MAP2K4: variants seen among roughly 807,000 people sequenced by gnomAD.
MAP2K4 encodes the protein dual specificity mitogen-activated protein kinase kinase 4.
MAP2K4 carries 4 observed loss-of-function variants against 48.5 expected under a neutral mutation model. The observed-to-expected ratio is 0.08, with a 90% CI of 0.04 to 0.19. The LOEUF is 0.19. Ranked by LOEUF, MAP2K4 falls within the 10% of genes least tolerant of loss-of-function variation. The probability of loss-of-function intolerance (pLI) is 1.00; values close to 1 mark genes in which losing one functional copy is unlikely to be tolerated. For synonymous variants in MAP2K4, 166 were observed against 173.1 expected (o/e 0.96, Z 0.32); for missense variants, 258 against 493.3 (o/e 0.52, Z 4.52).
At position 12,021,734 on chromosome 17, in the gene MAP2K4, G is replaced by GAA. The variant is rs896882494; in HGVS notation, c.115+753_115+754dup. On this transcript the variant is annotated intron_variant, in intron 1 of 10. Transcript: ENST00000353533. ...TCTGTGTTAGCATTGCGTGCAGGAA[G>GAA]AAAAAAAAAAAAAAAAAAAAAGAAG... 2.8e-3 allele frequency among the ~76,000 whole-genome samples: 280 copies of GAA among 99,920 alleles called. 5 individuals are homozygous for GAA. Among genetic ancestry groups the GAA allele is most frequent in the Middle Eastern group, 6.4e-3 (1 of 156 alleles). The allele number at this position is 99,920 out of a possible 152,430, so 65.6% of individuals were successfully genotyped here.
At chr17:12,053,938 T>A (rs769765723) in intron 1 of MAP2K4, among the ~76,000 whole-genome samples, 1 of 152,058 alleles carries the variant, frequency 6.6e-6, no homozygotes, top group African/African-American at 2.4e-5. Context: ...AGAGAGTGAG[T>A]TCAGGAAAAA....
At chr17:12,097,205 A>G (rs1234022651) in intron 4 of MAP2K4, among the ~76,000 whole-genome samples, 5 of 152,172 alleles carry the variant, frequency 3.3e-5, no homozygotes, top group Non-Finnish European at 7.4e-5. Flanking sequence ...ATGCAGAACA[A>G]TAGTTAATTA....
intron 2 of MAP2K4, among the ~76,000 whole-genome samples, chr17:12,060,740 T>C (rs1044846628): frequency 7.2e-5 from 11 of 151,972 alleles, no homozygotes; most frequent in African/African-American, 2.4e-4. Context: ...TGTGTGTGTG[T>C]GTGTGTGCGC....
At chr17:12,058,144 A>G (rs2151528628) in intron 2 of MAP2K4, among the ~76,000 whole-genome samples, 1 of 151,768 alleles carries the variant, frequency 6.6e-6, no homozygotes, top group South Asian at 2.1e-4. Flanking sequence ...TTCTCTCCAG[A>G]TGTGTTTGTT....
intron 1 of MAP2K4, among the ~76,000 whole-genome samples, chr17:12,051,909 A>C (rs565184483): frequency 1.3e-5 from 2 of 151,826 alleles, no homozygotes; most frequent in Non-Finnish European, 2.9e-5. Context: ...ATGGGAGAGG[A>C]GAAGATGCCT....
chr17:12,076,309 G>GTGTGTA (rs1971004702), intron 2 of MAP2K4, among the ~76,000 whole-genome samples: 2 of 151,258 alleles, frequency 1.3e-5, no homozygotes, highest in Non-Finnish European at 3.0e-5. Context: ...GTGTGTGTGT[G>GTGTGTA]TGTGTGTGTG....
chr17:12,021,927 A>G (rs953382265), intron 1 of MAP2K4, among the ~76,000 whole-genome samples: 11 of 152,198 alleles, frequency 7.2e-5, no homozygotes, highest in Non-Finnish European at 1.6e-4. Flanking sequence ...ATACCAGGCC[A>G]GGCCCGAGCC....
Position 12,130,890 on chromosome 17 carries a change from T to A in MAP2K4, c.1040+1603T>A, listed in dbSNP as rs182937410. 1.2e-4 allele frequency among the ~76,000 whole-genome samples: 19 copies of A among 152,292 alleles called. No individual in the cohort carries two copies. In the East Asian group the frequency reaches 3.7e-3, roughly 29 times the overall value. ...TTGTTCCAAATTATTCCCCTTTTTA[T>A]TAGAGTTGTATTTTTTATGATGTAT... On this transcript the variant is annotated intron_variant, in intron 9 of 10. Coordinates refer to ENST00000353533, the MANE Select transcript of MAP2K4 (RefSeq NM_003010.4).
At chr17:12,092,984 C>T (rs568393079) in intron 3 of MAP2K4, among the ~76,000 whole-genome samples, 40 of 152,278 alleles carry the variant, frequency 2.6e-4, no homozygotes, top group African/African-American at 9.4e-4. Flanking sequence ...CGAGATCGCG[C>T]CACTGCACTC....
Position 12,141,586 on chromosome 17 carries a change from CT to C in MAP2K4, c.*327del, listed in dbSNP as rs1464067275. The C allele has an allele frequency of 3.1e-6, 1 of 325,388 alleles. No homozygotes were observed. Among genetic ancestry groups the C allele is most frequent in the Non-Finnish European group, 5.7e-6 (1 of 175,102 alleles). The allele number at this position is 325,388 out of a possible 1,614,324, so 20.2% of individuals were successfully genotyped here. A position where few individuals can be genotyped will look rare whatever the true frequency, so the allele number is the denominator to read the frequency against. On this transcript the variant is annotated 3_prime_UTR_variant, in exon 11 of 11. Transcript: ENST00000353533. ...TTAAATTCATTTCTAGACTCAAAAC[CT>C]GGAGATGCAGCTACTGGAATGGTGT...
At chr17:12,064,278 T>A (rs1354978213) in intron 2 of MAP2K4, among the ~76,000 whole-genome samples, 2 of 152,142 alleles carry the variant, frequency 1.3e-5, no homozygotes, top group African/African-American at 4.8e-5. Flanking sequence ...AGAGGTGGGA[T>A]CTTGCTATGT....
intron 6 of MAP2K4, among the ~76,000 whole-genome samples, chr17:12,112,495 G>T (rs1046022558): frequency 6.6e-6 from 1 of 151,002 alleles, no homozygotes. Context: ...AGCATGGATG[G>T]TTAGGAATGG....
chr17:12,107,255 C>G (rs1972142475), intron 4 of MAP2K4, among the ~76,000 whole-genome samples: 1 of 151,886 alleles, frequency 6.6e-6, no homozygotes, highest in Admixed American at 6.6e-5. Context: ...CAGAACAGAG[C>G]AGGATAAGGG....
rs71367376 is a variant in MAP2K4, at chr17:12,060,728, G to GGGGTGTGTGTGT, written c.218+5738_218+5739insGGTGTGTGTGTG. ...ATCTCAAATGTGTTAAATACTATGG[G>GGGGTGTGTGTGT]GTGTGTGTGTGTGTGTGTGCGCGCG... On this transcript the variant is annotated intron_variant, in intron 2 of 10. Transcript: ENST00000353533. Among the ~76,000 whole-genome samples the GGGGTGTGTGTGT allele has an allele frequency of 3.3e-3, 497 of 150,348 alleles. 5 individuals are homozygous for GGGGTGTGTGTGT. In the East Asian group the frequency reaches 0.052, roughly 16 times the overall value.
chr17:12,025,903 C>A lies in MAP2K4; in HGVS notation c.115+4902C>A, dbSNP rs1217295938. On this transcript the variant is annotated intron_variant, in intron 1 of 10. Transcript: ENST00000353533. ...TCTGGTTTTCGAGAACCATGGGAGACCTTTATCTTAATTTTAAAGAACTGA... is the reference window on the plus strand; with the variant it reads ...TCTGGTTTTCGAGAACCATGGGAGAACTTTATCTTAATTTTAAAGAACTGA... 5.3e-5 allele frequency among the ~76,000 whole-genome samples: 8 copies of A among 152,214 alleles called. No homozygotes were observed. In the East Asian group the frequency reaches 7.7e-4, roughly 15 times the overall value.
chr17:12,088,982 G>T (rs1971473848), intron 3 of MAP2K4, among the ~76,000 whole-genome samples: 1 of 150,734 alleles, frequency 6.6e-6, no homozygotes, highest in Admixed American at 6.6e-5. Context: ...CATGATCTTG[G>T]CTCACTGCAA....
intron 1 of MAP2K4, among the ~76,000 whole-genome samples, chr17:12,049,124 C>T (rs115440424): frequency 1.3e-5 from 2 of 152,154 alleles, no homozygotes; most frequent in Admixed American, 1.3e-4. Context: ...TTACTCATTT[C>T]ATAACCAGTG....
At chr17:12,126,607 G>A (rs1972861796) in intron 8 of MAP2K4, among the ~76,000 whole-genome samples, 1 of 152,196 alleles carries the variant, frequency 6.6e-6, no homozygotes, top group Admixed American at 6.5e-5. Context: ...TTAGATTAAT[G>A]AGGGTTCCAC....
chr17:12,070,811 C>A (rs999400845), intron 2 of MAP2K4, among the ~76,000 whole-genome samples: 2 of 152,160 alleles, frequency 1.3e-5, no homozygotes, highest in African/African-American at 4.8e-5. Flanking sequence ...TGGTTCTTTA[C>A]AGAAAAAGGT....
Sources: allele counts gnomAD v4.1 joint callset (sites outside exome capture counted in the v4.1 genomes callset), GRCh38; gene constraint gnomAD v4.1.1; transcripts MANE v1.5; gene names NCBI Gene and HGNC (gene_info 2026-07-23, HGNC 2026-07-21).